Variants in LY86 observed in about 807,000 individuals in gnomAD.
LY86 encodes MD-1, RP105-associated.
A neutral mutation model predicts 17.3 loss-of-function variants in LY86; 20 were observed. The ratio of observed to expected loss-of-function variants is 1.15; its 90% confidence interval spans 0.81 to 1.68. LY86 has a LOEUF of 1.68. Ranked by LOEUF, LY86 falls within the 40% of genes most tolerant of loss-of-function variation. LY86 has a pLI of 0.00. For synonymous variants in LY86, 74 were observed against 70.6 expected, an observed-to-expected ratio of 1.05 and a Z score of -0.24; for missense variants, 200 against 191.9, an observed-to-expected ratio of 1.04 and a Z score of -0.25.
At chr6:6,604,121 ATAT>A (rs1280172731) in intron 1 of LY86, among the ~76,000 whole-genome samples, 1 of 152,212 alleles carries the variant, frequency 6.6e-6, no homozygotes, top group African/African-American at 2.4e-5. Context: ...GCAGAAGGAA[ATAT>A]TAATTATCTC....
chr6:6,593,343 T>A (rs1437002854), intron 1 of LY86, among the ~76,000 whole-genome samples: 1 of 152,242 alleles, frequency 6.6e-6, no homozygotes, highest in Non-Finnish European at 1.5e-5. Flanking sequence ...CTCCTTCCTG[T>A]AAGGACCCTT....
chr6:6,599,715 T>C (rs1760837690), intron 1 of LY86, among the ~76,000 whole-genome samples: 2 of 152,214 alleles, frequency 1.3e-5, no homozygotes, highest in South Asian at 4.1e-4. Context: ...TGGAAAATGT[T>C]CAGGCAAGAT....
chr6:6,598,826 G>A (rs1296366094), intron 1 of LY86, among the ~76,000 whole-genome samples: 1 of 152,068 alleles, frequency 6.6e-6, no homozygotes, highest in Non-Finnish European at 1.5e-5. Context: ...TGATTTACAG[G>A]ACATGCTGAA....
At chr6:6,618,240 G>A (rs1382244986) in intron 1 of LY86, among the ~76,000 whole-genome samples, 1 of 152,222 alleles carries the variant, frequency 6.6e-6, no homozygotes, top group Non-Finnish European at 1.5e-5. Context: ...ATTTTGGGCA[G>A]AAGAGTGTCT....
At chr6:6,624,836 T>A in intron 1 of LY86, 90 bp from the exon 2 acceptor site, 3 of 642,644 alleles carry the variant, frequency 4.7e-6, no homozygotes, top group Non-Finnish European at 8.3e-6. Context: ...ATGTAGCAAT[T>A]CATGTGAAAA....
intron 1 of LY86, among the ~76,000 whole-genome samples, chr6:6,616,547 G>A (rs932365): frequency 0.66 from 100,915 of 152,020 alleles, 33,918 homozygotes; most frequent in South Asian, 0.81. Flanking sequence ...AATTCAAATT[G>A]CATTTGAGGA....
At chr6:6,652,239 T>C (rs574182453) in intron 4 of LY86, among the ~76,000 whole-genome samples, 1 of 152,198 alleles carries the variant, frequency 6.6e-6, no homozygotes, top group East Asian at 1.9e-4. Context: ...CTGGAGGCCT[T>C]AATCCCAAAA....
intron 1 of LY86, among the ~76,000 whole-genome samples, chr6:6,612,242 A>T (rs891608167): frequency 2.0e-5 from 3 of 152,062 alleles, no homozygotes; most frequent in African/African-American, 7.2e-5. Flanking sequence ...GCGTGTCCAG[A>T]GTTTATTCCT....
intron 3 of LY86, among the ~76,000 whole-genome samples, chr6:6,645,188 G>A (rs1762092110): frequency 6.6e-6 from 1 of 152,142 alleles, no homozygotes; most frequent in Non-Finnish European, 1.5e-5. Context: ...ACAGAACTTA[G>A]AAGTTACATA....
At chr6:6,591,652 C>T (rs1760534171) in intron 1 of LY86, among the ~76,000 whole-genome samples, 1 of 152,144 alleles carries the variant, frequency 6.6e-6, no homozygotes, top group Non-Finnish European at 1.5e-5. Context: ...TGAACTTTTC[C>T]AAGGCCACAC....
chr6:6,622,409 G>T (rs1761701726), intron 1 of LY86, among the ~76,000 whole-genome samples: 1 of 152,140 alleles, frequency 6.6e-6, no homozygotes, highest in African/African-American at 2.4e-5. Flanking sequence ...CTAAGCATCT[G>T]TTCATTGGCT....
intron 1 of LY86, among the ~76,000 whole-genome samples, chr6:6,605,887 G>T (rs141167229): frequency 6.7e-6 from 1 of 148,356 alleles, no homozygotes; most frequent in Non-Finnish European, 1.5e-5. Flanking sequence ...TCTCGCGGTG[G>T]GTTCTTAGTC....
intron 1 of LY86, among the ~76,000 whole-genome samples, chr6:6,619,108 C>T (rs1324772309): frequency 1.3e-5 from 2 of 152,088 alleles, no homozygotes; most frequent in South Asian, 2.1e-4. Context: ...CCTATGAATT[C>T]GCCAAGAAAA....
intron 1 of LY86, among the ~76,000 whole-genome samples, chr6:6,605,054 G>A (rs546973181): frequency 2.2e-5 from 3 of 135,634 alleles, no homozygotes; most frequent in East Asian, 4.5e-4. Flanking sequence ...TAGAGTGTTT[G>A]CCACCGAGAC....
At chr6:6,648,445 C>G (rs1169873750) in intron 3 of LY86, among the ~76,000 whole-genome samples, 1 of 152,180 alleles carries the variant, frequency 6.6e-6, no homozygotes, top group African/African-American at 2.4e-5. Flanking sequence ...TCATCTCCCT[C>G]TATCCTCCTA....
intron 3 of LY86, among the ~76,000 whole-genome samples, chr6:6,639,069 A>C (rs1212252236): frequency 6.6e-6 from 1 of 152,116 alleles, no homozygotes; most frequent in Non-Finnish European, 1.5e-5. Context: ...AATGTGGCAC[A>C]TATACACCAT....
intron 3 of LY86, among the ~76,000 whole-genome samples, chr6:6,639,690 C>T (rs978558120): frequency 6.6e-6 from 1 of 152,130 alleles, no homozygotes; most frequent in Non-Finnish European, 1.5e-5. Context: ...TTACATTGGA[C>T]CCCCCTGGGC....
intron 4 of LY86, 59 bp downstream of exon 4, chr6:6,649,736 G>A (rs1581254022): frequency 1.1e-6 from 1 of 888,610 alleles, no homozygotes; most frequent in Non-Finnish European, 1.7e-6. Context: ...GAAGAAGAAG[G>A]CTAGAAGGAG....
intron 1 of LY86, among the ~76,000 whole-genome samples, chr6:6,597,283 GA>G (rs747391444): frequency 3.9e-5 from 6 of 152,204 alleles, no homozygotes; most frequent in Admixed American, 1.3e-4. Context: ...GCTCCTGGCA[GA>G]ACCTGACAGC....
Sources: gnomAD v4.1 joint callset for allele counts (sites outside exome capture counted in the v4.1 genomes callset) on GRCh38, gnomAD v4.1.1 for gene constraint, MANE v1.5 for transcripts, NCBI Gene and HGNC (gene_info 2026-07-23, HGNC 2026-07-21) for gene names.